The following CLSTN2 variants were observed in gnomAD, a reference collection of about 807,000 sequenced individuals.
The protein encoded by CLSTN2 is calsyntenin 2.
A neutral mutation model predicts 101.2 loss-of-function variants in CLSTN2; 48 were observed. That is an observed-to-expected ratio of 0.47 (90% CI 0.38 to 0.60). The LOEUF is 0.60. Ranked by LOEUF, CLSTN2 falls within the 20% of genes least tolerant of loss-of-function variation. The probability of loss-of-function intolerance (pLI) is 0.00; values close to 1 mark genes in which losing one functional copy is unlikely to be tolerated. For missense variants in CLSTN2, 1,160 were observed against 1,238.2 expected, an observed-to-expected ratio of 0.94 and a Z score of 0.95; for synonymous variants, 481 against 463.6, an observed-to-expected ratio of 1.04 and a Z score of -0.48.
chr3:140,064,268 C>T (rs973616036), intron 1 of CLSTN2, among the ~76,000 whole-genome samples: 1 of 152,110 alleles, frequency 6.6e-6, no homozygotes, highest in African/African-American at 2.4e-5. Context: ...TTGTAGGGAG[C>T]GTCTACTTAT....
At chr3:140,387,490 GC>G in intron 2 of CLSTN2, among the ~76,000 whole-genome samples, 1 of 152,316 alleles carries the variant, frequency 6.6e-6, no homozygotes, top group African/African-American at 2.4e-5. Flanking sequence ...GCAAAAGCCT[GC>G]TTGTTAATAG....
At position 140,570,533 on chromosome 3, in the gene CLSTN2, C is replaced by T. The variant is rs946784277; in HGVS notation, c.*4280C>T. 1.4e-4 allele frequency: 22 copies of T among 152,136 alleles called. No individual in the cohort carries two copies. Among genetic ancestry groups the T allele is most frequent in the African/African-American group, 4.6e-4 (19 of 41,426 alleles). The allele number at this position is 152,136 out of a possible 1,614,324, so 9.4% of individuals were successfully genotyped here. A position where few individuals can be genotyped will look rare whatever the true frequency, so the allele number is the denominator to read the frequency against. On this transcript the variant is annotated 3_prime_UTR_variant, in exon 17 of 17. Transcript: ENST00000458420. ...TTCTGGAACCAATCCCCTACAGATA[C>T]TGAGGGATGACTGTACTCAGCTCTC... is the stretch of plus-strand genomic sequence containing the variant.
In CLSTN2 at chr3:140,303,617, T is replaced by C. The variant is rs185754055; in HGVS notation, c.233-100012T>C. ...TAAAATATATCCAACTGAAGGTCAC[T>C]TGGGGAAAAGGAGATTATGGTGGCT... On this transcript the variant is annotated intron_variant, in intron 2 of 16. Coordinates refer to ENST00000458420, the MANE Select transcript of CLSTN2 (RefSeq NM_022131.3). 1.3e-3 allele frequency among the ~76,000 whole-genome samples: 204 copies of C among 152,244 alleles called. 3 individuals carry two copies. Among genetic ancestry groups the C allele is most frequent in the African/African-American group, 4.7e-3 (194 of 41,558 alleles).
chr3:140,345,054 A>G (rs1319500356), intron 2 of CLSTN2, among the ~76,000 whole-genome samples: 1 of 152,122 alleles, frequency 6.6e-6, no homozygotes, highest in Non-Finnish European at 1.5e-5. Context: ...TGTCGAGACT[A>G]GGAAATCAGT....
chr3:140,245,384 CCAAGCA>C (rs201133221), intron 2 of CLSTN2, among the ~76,000 whole-genome samples: 2,132 of 152,164 alleles, frequency 0.014, 51 homozygotes, highest in African/African-American at 0.048. Flanking sequence ...ATGAAGAAGA[CCAAGCA>C]CCATCCCCAA....
intron 1 of CLSTN2, among the ~76,000 whole-genome samples, chr3:139,968,867 G>A (rs7649719): frequency 2.0e-5 from 3 of 152,072 alleles, no homozygotes; most frequent in South Asian, 2.1e-4. Flanking sequence ...AAGTCGGTTC[G>A]CCAGCAACAG....
At chr3:140,073,348 T>C (rs896197845) in intron 1 of CLSTN2, among the ~76,000 whole-genome samples, 2 of 152,164 alleles carry the variant, frequency 1.3e-5, no homozygotes, top group Admixed American at 1.3e-4. Context: ...TCTGGTTAGG[T>C]TGTGTGGATA....
rs111291785 is a variant in CLSTN2 at position 140,389,396 on chromosome 3, T to A, written c.233-14233T>A. ...AAGTGAGAACATATGGTGTTTGGTTTTGTGTTCCTGTGTTAGTTTGCTGAA... is the reference window on the plus strand; with the variant it reads ...AAGTGAGAACATATGGTGTTTGGTTATGTGTTCCTGTGTTAGTTTGCTGAA... On this transcript the variant is annotated intron_variant, in intron 2 of 16. Transcript: ENST00000458420. 9.1e-3 allele frequency among the ~76,000 whole-genome samples: 1,380 copies of A among 152,358 alleles called. 20 individuals are homozygous for A. The highest frequency in any genetic ancestry group is 0.029 in the African/African-American group (1,220 of 41,580).
At chr3:139,956,560 G>C (rs1935405280) in intron 1 of CLSTN2, among the ~76,000 whole-genome samples, 1 of 152,182 alleles carries the variant, frequency 6.6e-6, no homozygotes, top group African/African-American at 2.4e-5. Flanking sequence ...TTGAAACACA[G>C]AGGTCTACTA....
chr3:140,134,549 C>T (rs1560105275), intron 1 of CLSTN2, among the ~76,000 whole-genome samples: 1 of 152,180 alleles, frequency 6.6e-6, no homozygotes. Context: ...TCCATAGAAA[C>T]TCAGCCCGTG....
intron 1 of CLSTN2, among the ~76,000 whole-genome samples, chr3:140,138,715 A>G (rs888325400): frequency 6.6e-6 from 1 of 152,192 alleles, no homozygotes; most frequent in Non-Finnish European, 1.5e-5. Context: ...ACCAAAGTCA[A>G]TACGACCTCT....
intron 8 of CLSTN2, among the ~76,000 whole-genome samples, chr3:140,477,269 A>G (rs1431889511): frequency 1.3e-5 from 2 of 152,198 alleles, no homozygotes; most frequent in African/African-American, 4.8e-5. Flanking sequence ...CCTCTAAATA[A>G]TGAACCTCCT....
chr3:140,170,092 C>G (rs1224852526), intron 1 of CLSTN2, among the ~76,000 whole-genome samples: 1 of 152,234 alleles, frequency 6.6e-6, no homozygotes, highest in East Asian at 1.9e-4. Flanking sequence ...ACAAGGGAGG[C>G]TGCTTCCAAA....
intron 1 of CLSTN2, among the ~76,000 whole-genome samples, chr3:140,063,450 G>T (rs571478597): frequency 6.6e-6 from 1 of 152,076 alleles, no homozygotes; most frequent in South Asian, 2.1e-4. Flanking sequence ...TTCACTCCGC[G>T]TCCATGCTAA....
chr3:140,028,374 C>T (rs931612490), intron 1 of CLSTN2, among the ~76,000 whole-genome samples: 2 of 152,100 alleles, frequency 1.3e-5, no homozygotes, highest in African/African-American at 4.8e-5. Flanking sequence ...AGAGAAGTTG[C>T]CTGTCCCTTC....
intron 1 of CLSTN2, among the ~76,000 whole-genome samples, chr3:140,159,061 T>C (rs2010004417): frequency 6.6e-6 from 1 of 152,166 alleles, no homozygotes; most frequent in Admixed American, 6.6e-5. Context: ...ATGTGAAGCC[T>C]CAAACTATGA....
chr3:139,975,430 C>CTTGTTGTTGAG (rs1367804775), intron 1 of CLSTN2, among the ~76,000 whole-genome samples: 1 of 152,092 alleles, frequency 6.6e-6, no homozygotes, highest in Non-Finnish European at 1.5e-5. Flanking sequence ...GGAGTGAGTG[C>CTTGTTGTTGAG]TTGTTGAGTG....
intron 1 of CLSTN2, among the ~76,000 whole-genome samples, chr3:140,171,790 T>A (rs1335593989): frequency 1.4e-5 from 1 of 69,116 alleles, no homozygotes; most frequent in African/African-American, 9.4e-5. Flanking sequence ...ATATAATATA[T>A]AATATATAAT....
At position 140,403,582 on chromosome 3, in the gene CLSTN2, C is replaced by A. The variant is rs1011288697; in HGVS notation, c.233-47C>A. ...GTCCAATGGAAGCACTGTCTTCAGT[C>A]TGGCAATTCTCAGGATTCCCACTCA... On this transcript the variant is annotated intron_variant, in intron 2 of 16. Transcript: ENST00000458420. 3.4e-6 allele frequency: 5 copies of A among 1,474,710 alleles called. No individual in the cohort carries two copies. The East Asian group carries it at 6.8e-5, about 20-fold the overall frequency. 91.4% of individuals were successfully genotyped at this position (1,474,710 alleles called of 1,614,324 possible).
Sources: allele counts gnomAD v4.1 joint callset (sites outside exome capture counted in the v4.1 genomes callset), GRCh38; gene constraint gnomAD v4.1.1; transcripts MANE v1.5; gene names NCBI Gene and HGNC (gene_info 2026-07-23, HGNC 2026-07-21).